The following ERCC4 variants were observed in gnomAD, a reference collection of about 807,000 sequenced individuals.
ERCC4 encodes the protein DNA repair endonuclease XPF.
A neutral mutation model predicts 76.9 loss-of-function variants in ERCC4; 65 were observed. That is an observed-to-expected ratio of 0.84 (90% CI 0.69 to 1.04). The LOEUF (loss-of-function observed/expected upper bound fraction) is 1.04, where lower values mean the gene tolerates loss of function less well. Among genes scored for constraint, ERCC4 ranks in the 50% least tolerant of loss-of-function variants. The pLI is 0.00. For missense variants in ERCC4, 1,214 were observed against 1,128.2 expected, an observed-to-expected ratio of 1.08 and a Z score of -1.09; for synonymous variants, 463 against 410.1, an observed-to-expected ratio of 1.13 and a Z score of -1.56.
intron 9 of ERCC4, among the ~76,000 whole-genome samples, chr16:13,938,290 A>G (rs2032345181): frequency 1.3e-5 from 2 of 152,202 alleles, no homozygotes; most frequent in African/African-American, 2.4e-5. Context: ...AACACAGCCA[A>G]TTATGATCAC....
intron 9 of ERCC4, among the ~76,000 whole-genome samples, chr16:13,940,837 G>A (rs957418538): frequency 2.0e-5 from 3 of 152,198 alleles, no homozygotes; most frequent in Non-Finnish European, 4.4e-5. Flanking sequence ...GAGGAGAGAA[G>A]CCTTTCTTGG....
rs1403732232 is a variant in ERCC4, at chr16:13,935,545, T to G, written c.1613T>G (p.Leu538Trp). The change falls in exon 8 of 11, where the codon TTG becomes TGG. Residue 538 changes from leucine to tryptophan, a missense_variant. Leu to Trp is a moderately conservative substitution (Grantham distance 61). Coordinates refer to ENST00000311895, the MANE Select transcript of ERCC4 (RefSeq NM_005236.3). ...EIKHEEFDVNLSSDAAFGILK... is the reference protein window; with the variant it reads ...EIKHEEFDVNWSSDAAFGILK... Reference sequence around the variant, plus strand: ...AAGCATGAAGAATTTGATGTAAATTTGTCATCGGATGCTGCTTTCGGAATC... The same window carrying G: ...AAGCATGAAGAATTTGATGTAAATTGGTCATCGGATGCTGCTTTCGGAATC... 6.2e-7 allele frequency: 1 copy of G among 1,614,082 alleles called. No homozygotes were observed. The highest frequency in any genetic ancestry group is 8.5e-7 in the Non-Finnish European group (1 of 1,180,044).
At chr16:13,920,899 G>A (rs1269201092) in intron 1 of ERCC4, among the ~76,000 whole-genome samples, 1 of 152,150 alleles carries the variant, frequency 6.6e-6, no homozygotes, top group Admixed American at 6.5e-5. Flanking sequence ...GGATGGGAGG[G>A]GTCCCCAGAA....
At chr16:13,932,578 T>C in intron 6 of ERCC4, 1 of 496,158 alleles carries the variant, frequency 2.0e-6, no homozygotes, top group Non-Finnish European at 3.5e-6. Context: ...AGGAGCTATA[T>C]ATTGATTTTT....
chr16:13,938,492 C>T (rs575305438), intron 9 of ERCC4, among the ~76,000 whole-genome samples: 3 of 152,256 alleles, frequency 2.0e-5, no homozygotes, highest in South Asian at 2.1e-4. Flanking sequence ...TGAAGGCATT[C>T]GATAAATCTG....
chr16:13,924,703 T>C lies in ERCC4; in HGVS notation c.389-1858T>C, dbSNP rs3136077. On this transcript the variant is annotated intron_variant, in intron 2 of 10. Transcript: ENST00000311895. ...GTACATTGGTGATAAAGATAGTACCTTCCTCCTAGGATTGTCAGGGTGAAA... is the reference window on the plus strand; with the variant it reads ...GTACATTGGTGATAAAGATAGTACCCTCCTCCTAGGATTGTCAGGGTGAAA... Among the ~76,000 whole-genome samples the C allele has an allele frequency of 1.4e-3, 218 of 152,342 alleles. 3 individuals are homozygous for C. In the South Asian group the frequency reaches 0.041, roughly 29 times the overall value.
rs2032239941 is a variant in ERCC4 at position 13,934,268 on chromosome 16, A to G, written c.1179A>G (p.Ala393=). 18 of 1,613,562 alleles carry G rather than the reference A, an allele frequency of 1.1e-5. No homozygotes were observed. The highest frequency in any genetic ancestry group is 1.4e-5 in the Non-Finnish European group (16 of 1,179,622). ...ALTEVLKEIE[A]ENKESEALGG... ...CTGAAGTATTAAAAGAAATTGAGGCAGAAAATAAGGAGAGTGAAGCTCTTG... is the reference window on the plus strand; with the variant it reads ...CTGAAGTATTAAAAGAAATTGAGGCGGAAAATAAGGAGAGTGAAGCTCTTG... The change falls in exon 7 of 11, where the codon GCA becomes GCG. Residue 393 remains alanine (A), a synonymous_variant. Transcript: ENST00000311895.
intron 3 of ERCC4, 71 bp from the exon 4 acceptor site, chr16:13,927,957 G>A: frequency 8.8e-7 from 1 of 1,131,206 alleles, no homozygotes; most frequent in Non-Finnish European, 1.3e-6. Flanking sequence ...AAAATGGGGT[G>A]TTAAACCAAG....
chr16:13,943,572 C>G (rs2032455811), intron 9 of ERCC4, among the ~76,000 whole-genome samples: 3 of 152,214 alleles, frequency 2.0e-5, no homozygotes, highest in Admixed American at 1.3e-4. Context: ...ATTATCGGAA[C>G]TATTAATTCA....
At position 13,948,649 on chromosome 16, in the gene ERCC4, T is replaced by G. The variant is rs1354717997; in HGVS notation, c.*302T>G. The G allele has an allele frequency of 2.5e-6, 1 of 407,716 alleles. No individual in the cohort carries two copies. Among genetic ancestry groups the G allele is most frequent in the African/African-American group, 2.0e-5 (1 of 50,496 alleles). 25.3% of individuals were successfully genotyped at this position (407,716 alleles called of 1,614,324 possible). A position where few individuals can be genotyped will look rare whatever the true frequency, so the allele number is the denominator to read the frequency against. Reference sequence around the variant, plus strand: ...ACAAGTGATTACAGAAGGTAGAAACTTTACCTGATCCTAACAGATCTCATT... The same window carrying G: ...ACAAGTGATTACAGAAGGTAGAAACGTTACCTGATCCTAACAGATCTCATT... On this transcript the variant is annotated 3_prime_UTR_variant, in exon 11 of 11. Coordinates refer to ENST00000311895, the MANE Select transcript of ERCC4 (RefSeq NM_005236.3).
chr16:13,942,976 G>A (rs2032443853), intron 9 of ERCC4, among the ~76,000 whole-genome samples: 1 of 152,208 alleles, frequency 6.6e-6, no homozygotes, highest in Non-Finnish European at 1.5e-5. Context: ...TGCCATTGCA[G>A]AGGGCTTTTC....
chr16:13,924,851 A>C (rs2032043544), intron 2 of ERCC4, among the ~76,000 whole-genome samples: 1 of 152,204 alleles, frequency 6.6e-6, no homozygotes, highest in Non-Finnish European at 1.5e-5. Flanking sequence ...GGAGGAGACA[A>C]GTAAAGAAGT....
chr16:13,937,531 G>C (rs1361028972), intron 8 of ERCC4, among the ~76,000 whole-genome samples: 2 of 152,096 alleles, frequency 1.3e-5, no homozygotes, highest in Non-Finnish European at 2.9e-5. Context: ...ACCTAAACTC[G>C]TTTCTTCCTT....
At position 13,951,057 on chromosome 16, in the gene ERCC4, C is replaced by T. The variant is rs1009636631; in HGVS notation, c.*2710C>T. 63 of 187,498 alleles carry T rather than the reference C, an allele frequency of 3.4e-4. No individual in the cohort carries two copies. Among genetic ancestry groups the T allele is most frequent in the Non-Finnish European group, 6.2e-4 (55 of 88,896 alleles). The allele number at this position is 187,498 out of a possible 1,614,324, so 11.6% of individuals were successfully genotyped here. A position where few individuals can be genotyped will look rare whatever the true frequency, so the allele number is the denominator to read the frequency against. ...AAATGGTCATTGTAAGTGAAAGCCT[C>T]TCGCTACCACTTCCTCTTCCAACTA... is the stretch of plus-strand genomic sequence containing the variant. On this transcript the variant is annotated 3_prime_UTR_variant, in exon 11 of 11. Coordinates refer to ENST00000311895, the MANE Select transcript of ERCC4 (RefSeq NM_005236.3).
Position 13,948,350 on chromosome 16 carries a change from A to G in ERCC4, c.*3A>G, listed in dbSNP as rs747059736. On this transcript the variant is annotated 3_prime_UTR_variant, in exon 11 of 11. Transcript: ENST00000311895. ...CAAAAGGAAAAGGGAAAAAGTGAAC[A>G]GTGATGGCTGTTTTCTTATCCCATG... 1 of 1,608,394 alleles carries G rather than the reference A, an allele frequency of 6.2e-7. No individual in the cohort carries two copies. The highest frequency in any genetic ancestry group is 8.5e-7 in the Non-Finnish European group (1 of 1,179,966).
intron 3 of ERCC4, 126 bp from the exon 4 acceptor site, chr16:13,927,902 C>A: frequency 1.4e-6 from 1 of 706,534 alleles, no homozygotes; most frequent in Non-Finnish European, 2.5e-6. Flanking sequence ...CTTTGCTTTT[C>A]ATTTGTTTGT....
At position 13,951,668 on chromosome 16, in the gene ERCC4, A is replaced by G. The variant is rs1278087677; in HGVS notation, c.*3321A>G. The G allele has an allele frequency of 4.6e-6, 1 of 218,398 alleles. No individual in the cohort carries two copies. Among genetic ancestry groups the G allele is most frequent in the Non-Finnish European group, 9.2e-6 (1 of 108,816 alleles). 13.5% of individuals were successfully genotyped at this position (218,398 alleles called of 1,614,324 possible). ...AAGGGTTAAGTCTAGATTTGGTCGC[A>G]TTGAAACCCCACAATATAGAATTAA... On this transcript the variant is annotated 3_prime_UTR_variant, in exon 11 of 11. Coordinates refer to ENST00000311895, the MANE Select transcript of ERCC4 (RefSeq NM_005236.3).
In ERCC4 at chr16:13,934,285, A is replaced by AAC. The variant is rs779091652; in HGVS notation, c.1197_1198insCA (p.Ala400GlnfsTer10). 9.9e-6 allele frequency: 16 copies of AAC among 1,610,776 alleles called. No individual in the cohort carries two copies. The highest frequency in any genetic ancestry group is 1.3e-5 in the Non-Finnish European group (15 of 1,177,236). Reference sequence around the variant, plus strand: ...ATTGAGGCAGAAAATAAGGAGAGTGAAGCTCTTGGTGGTCCAGGTAGGAAA... The same window carrying AAC: ...ATTGAGGCAGAAAATAAGGAGAGTGAACAGCTCTTGGTGGTCCAGGTAGGAAA... On this transcript the variant is annotated frameshift_variant, in exon 7 of 11. Transcript: ENST00000311895. LOFTEE classifies it high-confidence loss of function.
chr16:13,946,055 G>A (rs1481124567), intron 10 of ERCC4, among the ~76,000 whole-genome samples: 1 of 152,084 alleles, frequency 6.6e-6, no homozygotes, highest in Non-Finnish European at 1.5e-5. Flanking sequence ...CCCTTTCCTG[G>A]CCTTTTCCAG....
Sources: allele counts gnomAD v4.1 joint callset (sites outside exome capture counted in the v4.1 genomes callset), GRCh38; gene constraint gnomAD v4.1.1; transcripts MANE v1.5; gene names NCBI Gene and HGNC (gene_info 2026-07-23, HGNC 2026-07-21).